The following UMODL1 variants were observed in gnomAD, a reference collection of about 807,000 sequenced individuals.
The protein encoded by UMODL1 is uromodulin-like 1.
In UMODL1, 128 loss-of-function variants were observed where a neutral mutation model predicts 136.3. That is an observed-to-expected ratio of 0.94 (90% CI 0.81 to 1.09). The LOEUF is 1.09. UMODL1 is among the 50% of genes least tolerant of loss of function. The probability of loss-of-function intolerance (pLI) is 0.00; values close to 1 mark genes in which losing one functional copy is unlikely to be tolerated. For missense variants in UMODL1, 1,766 were observed against 1,725.6 expected (o/e 1.02, Z -0.41); for synonymous variants, 721 against 720.0 (o/e 1.00, Z -0.02).
rs911809570 is a variant in UMODL1, at chr21:42,123,090, C to T, written c.3087C>T (p.Ser1029=). 1.2e-6 allele frequency: 2 copies of T among 1,614,132 alleles called. No homozygotes were observed. The highest frequency in any genetic ancestry group is 1.7e-6 in the Non-Finnish European group (2 of 1,180,022). ...LSHPSCNVSH[S]NGTHVLLEAG... The stretch of plus-strand genomic sequence containing the variant: ...ACCCCTCCTGCAACGTGAGCCACAG[C>T]AATGGCACACACGTGCTCCTGGAGG... Residue 1029 remains serine (S), a synonymous_variant, in exon 17 of 23, where the codon AGC becomes AGT. Coordinates refer to ENST00000408910, the MANE Select transcript of UMODL1 (RefSeq NM_001004416.3). The surrounding 1 kb of genome is among the most constrained non-coding windows in gnomAD (Gnocchi z 4.4).
rs1271787901 is a variant in UMODL1, at chr21:42,102,259, C to A, written c.1280C>A (p.Ser427Tyr). The change falls in exon 8 of 23, where the codon TCT becomes TAT. Residue 427 changes from serine to tyrosine, a missense_variant. By Grantham distance (144) the Ser-to-Tyr change is moderately radical. Transcript: ENST00000408910. The part of the protein sequence containing the change: ...NRSSVEYQDF[S>Y]RQLLHEVESS... Reference sequence around the variant, plus strand: ...AGCAGTGTGGAGTACCAGGACTTTTCTAGACAACTGCTTCACGAGGTAAAG... The same window carrying A: ...AGCAGTGTGGAGTACCAGGACTTTTATAGACAACTGCTTCACGAGGTAAAG... The A allele has an allele frequency of 2.5e-6, 4 of 1,612,472 alleles. No homozygotes were observed. The highest frequency in any genetic ancestry group is 3.4e-6 in the Non-Finnish European group (4 of 1,178,900).
In UMODL1 at chr21:42,099,020, C is replaced by G. The variant is rs371738057; in HGVS notation, c.1026C>G (p.Phe342Leu). The change falls in exon 7 of 23, where the codon TTC becomes TTG. Residue 342 changes from phenylalanine (F) to leucine (L), a missense_variant. Coordinates refer to ENST00000408910, the MANE Select transcript of UMODL1 (RefSeq NM_001004416.3). The surrounding 1 kb of genome is among the most constrained non-coding windows in gnomAD (Gnocchi z 4.1). ...WRLNSTQNHT[F>L]HVRVYRGMEL... ...TAAATTCTACACAGAACCACACTTT[C>G]CATGTCCGGGTTTACCGGGGTATGG... 11 of 1,613,978 alleles carry G rather than the reference C, an allele frequency of 6.8e-6. No homozygotes were observed. The highest frequency in any genetic ancestry group is 1.6e-4 in the Middle Eastern group (1 of 6,084).
In UMODL1 at chr21:42,085,708, G is replaced by A. The variant is rs911862470; in HGVS notation, c.603+296G>A. ...AACGCGGATCCCTAAGCTTGCAGGG[G>A]TCTGCAGTCCCAGCAAAGACAGCCT... is the stretch of plus-strand genomic sequence containing the variant. On this transcript the variant is annotated intron_variant, in intron 4 of 22. Coordinates refer to ENST00000408910, the MANE Select transcript of UMODL1 (RefSeq NM_001004416.3). This position sits in a 1 kb window ranked among gnomAD's most constrained non-coding sequence, Gnocchi z 4.5. Among the ~76,000 whole-genome samples the A allele has an allele frequency of 1.3e-5, 2 of 152,176 alleles. No homozygotes were observed. The highest frequency in any genetic ancestry group is 4.8e-5 in the African/African-American group (2 of 41,434).
At chr21:42,064,803 G>A (rs955404333) in intron 1 of UMODL1, among the ~76,000 whole-genome samples, 15 of 152,272 alleles carry the variant, frequency 9.9e-5, no homozygotes, top group African/African-American at 3.1e-4. Context: ...TGATCTGCCC[G>A]CCTCAGCCTC....
intron 6 of UMODL1, among the ~76,000 whole-genome samples, chr21:42,091,815 C>T (rs577829405): frequency 7.9e-5 from 12 of 152,240 alleles, no homozygotes; most frequent in African/African-American, 1.9e-4. Context: ...AGCACAGAGG[C>T]GGGGCTGGGC....
intron 12 of UMODL1, chr21:42,112,932 A>C (rs2146508850): frequency 6.5e-6 from 1 of 152,858 alleles, no homozygotes; most frequent in East Asian, 1.9e-4. Flanking sequence ...CCAAACCCCC[A>C]GGTGACATCT....
intron 17 of UMODL1, 40 bp from the exon 18 acceptor site, chr21:42,126,305 C>T: frequency 6.2e-7 from 1 of 1,610,698 alleles, no homozygotes; most frequent in Non-Finnish European, 8.5e-7. Flanking sequence ...GGGGGGCCGG[C>T]TGGGGCCTGG....
chr21:42,108,963 C>CCGGCG (rs2066770955), intron 9 of UMODL1, among the ~76,000 whole-genome samples: 2 of 111,900 alleles, frequency 1.8e-5, no homozygotes, highest in East Asian at 3.1e-4. Context: ...ACCCCCACTC[C>CCGGCG]TGGCATGTAA....
At position 42,111,628 on chromosome 21, in the gene UMODL1, G is replaced by A. The variant is rs377457998; in HGVS notation, c.2022G>A (p.Leu674=). The A allele has an allele frequency of 2.5e-6, 4 of 1,614,002 alleles. No individual in the cohort carries two copies. The African/African-American group carries it at 5.3e-5, about 22-fold the overall frequency. ...TRETLLNPTW[L]RNEDSGPSGS... ...AAACACTTCTGAATCCCACGTGGCT[G>A]CGAAATGAGGACAGTGGACCCTCCG... is the stretch of plus-strand genomic sequence containing the variant. The change falls in exon 12 of 23, where the codon CTG becomes CTA. Residue 674 remains leucine, a synonymous_variant. Coordinates refer to ENST00000408910, the MANE Select transcript of UMODL1 (RefSeq NM_001004416.3).
At chr21:42,110,614 G>A (rs1472033346) in intron 10 of UMODL1, among the ~76,000 whole-genome samples, 4 of 152,150 alleles carry the variant, frequency 2.6e-5, no homozygotes, top group Non-Finnish European at 5.9e-5. Flanking sequence ...CCCGGGTTTT[G>A]TAGCCCCCCG....
At position 42,085,335 on chromosome 21, in the gene UMODL1, C is replaced by G. The variant is rs551750906; in HGVS notation, c.526C>G (p.Leu176Val). The G allele has an allele frequency of 4.3e-6, 7 of 1,613,896 alleles. No homozygotes were observed. The highest frequency in any genetic ancestry group is 5.1e-6 in the Non-Finnish European group (6 of 1,179,950). Reference sequence around the variant, plus strand: ...GGGCTCCTGGTACAACGTCACCATACTGGTGAAAATGGACTTCAAGGAACT... The same window carrying G: ...GGGCTCCTGGTACAACGTCACCATAGTGGTGAAAATGGACTTCAAGGAACT... Reference protein sequence around the residue: ...PVGSWYNVTILVKMDFKELQQ... With the variant: ...PVGSWYNVTIVVKMDFKELQQ... Residue 176 changes from leucine (L) to valine (V), a missense_variant, in exon 4 of 23, where the codon CTG (leucine) becomes GTG (valine). By Grantham distance (32) the Leu-to-Val change is conservative. Coordinates refer to ENST00000408910, the MANE Select transcript of UMODL1 (RefSeq NM_001004416.3). The surrounding 1 kb of genome is among the most constrained non-coding windows in gnomAD (Gnocchi z 4.5).
intron 6 of UMODL1, among the ~76,000 whole-genome samples, chr21:42,094,221 T>G (rs1255614995): frequency 6.6e-6 from 1 of 152,148 alleles, no homozygotes; most frequent in African/African-American, 2.4e-5. Flanking sequence ...CAGCTTCACT[T>G]CTAATAGGGC....
chr21:42,139,170 A>G (rs142228049), intron 22 of UMODL1, among the ~76,000 whole-genome samples: 2 of 152,148 alleles, frequency 1.3e-5, no homozygotes, highest in Non-Finnish European at 2.9e-5. Flanking sequence ...ATAAATAAAT[A>G]CTAATAAAAG....
intron 13 of UMODL1, among the ~76,000 whole-genome samples, chr21:42,114,599 C>T (rs2066880050): frequency 6.6e-6 from 1 of 152,188 alleles, no homozygotes; most frequent in African/African-American, 2.4e-5. Flanking sequence ...GTGGGGCGCA[C>T]ACCCCTTGAG....
chr21:42,138,578 AT>A (rs55726630), intron 22 of UMODL1, among the ~76,000 whole-genome samples: 28,928 of 146,284 alleles, frequency 0.2, 2,681 homozygotes, highest in South Asian at 0.3. Flanking sequence ...AGATTTTCAG[AT>A]TTTTTTTTTT....
Position 42,085,540 on chromosome 21 carries a change from CT to C in UMODL1, c.603+129del. On this transcript the variant is annotated intron_variant, in intron 4 of 22. Coordinates refer to ENST00000408910, the MANE Select transcript of UMODL1 (RefSeq NM_001004416.3). This position sits in a 1 kb window ranked among gnomAD's most constrained non-coding sequence, Gnocchi z 4.5. ...ATGTTCCCCAAATGGCCCCAAATGA[CT>C]GACTCTGAACGAAATTCTAGTTCTT... is the stretch of plus-strand genomic sequence containing the variant. 6.9e-7 allele frequency: 1 copy of C among 1,447,516 alleles called. No individual in the cohort carries two copies. The highest frequency in any genetic ancestry group is 9.4e-7 in the Non-Finnish European group (1 of 1,061,784). The allele number at this position is 1,447,516 out of a possible 1,614,324, so 89.7% of individuals were successfully genotyped here.
rs1018733063 is a variant in UMODL1 at position 42,099,550 on chromosome 21, C to T, written c.1186+370C>T. The stretch of plus-strand genomic sequence containing the variant: ...CTGGCAGGCAGATCCGGACCCTGCC[C>T]GCTTACCCAGCAGCACTGAGGCCGT... On this transcript the variant is annotated intron_variant, in intron 7 of 22. Coordinates refer to ENST00000408910, the MANE Select transcript of UMODL1 (RefSeq NM_001004416.3). The surrounding 1 kb of genome is among the most constrained non-coding windows in gnomAD (Gnocchi z 4.1). Among the ~76,000 whole-genome samples the T allele has an allele frequency of 3.3e-5, 5 of 152,160 alleles. No individual in the cohort carries two copies. Among genetic ancestry groups the T allele is most frequent in the South Asian group, 2.1e-4 (1 of 4,822 alleles).
chr21:42,135,241 G>A (rs2067190133), intron 21 of UMODL1, among the ~76,000 whole-genome samples: 1 of 152,252 alleles, frequency 6.6e-6, no homozygotes, highest in Admixed American at 6.5e-5. Context: ...TTGGCAGGAT[G>A]CCTCACCAGT....
Position 42,126,443 on chromosome 21 carries a change from C to T in UMODL1, c.3246C>T (p.Ala1082=), listed in dbSNP as rs1232962787. The change falls in exon 18 of 23, where the codon GCC becomes GCT. Residue 1082 remains alanine (A), a synonymous_variant. Transcript: ENST00000408910. ...HLKILSPIYC[A]FQNDLLTSSG... ...AGATCCTGAGCCCCATCTACTGCGC[C>T]TTCCAGAATGACCTGCTGACATCCT... The T allele has an allele frequency of 6.2e-7, 1 of 1,614,252 alleles. No homozygotes were observed. The highest frequency in any genetic ancestry group is 8.5e-7 in the Non-Finnish European group (1 of 1,180,034).
Sources: allele counts gnomAD v4.1 joint callset (sites outside exome capture counted in the v4.1 genomes callset), GRCh38; gene constraint gnomAD v4.1.1; non-coding constraint Gnocchi (gnomAD v3.1); transcripts MANE v1.5; gene names NCBI Gene and HGNC (gene_info 2026-07-23, HGNC 2026-07-21).